The following CSMD3 variants were observed in gnomAD, a reference collection of about 807,000 sequenced individuals.
CSMD3 encodes CUB and sushi domain-containing protein 3.
In CSMD3, 177 loss-of-function variants were observed where a neutral mutation model predicts 435.2. That is an observed-to-expected ratio of 0.41 (90% CI 0.36 to 0.46). CSMD3 has a LOEUF of 0.46. Among genes scored for constraint, CSMD3 ranks in the 20% least tolerant of loss-of-function variants. The pLI, the probability that CSMD3 is intolerant of heterozygous loss-of-function variation, is 0.34. For synonymous variants in CSMD3, 1,656 were observed against 1,520.5 expected (o/e 1.09, Z -2.07); for missense variants, 4,265 against 4,504.6 (o/e 0.95, Z 1.52).
chr8:113,375,369 A>G (rs1251673326), intron 1 of CSMD3, among the ~76,000 whole-genome samples: 1 of 152,214 alleles, frequency 6.6e-6, no homozygotes, highest in Admixed American at 6.5e-5. Context: ...TGCCAAGAGC[A>G]TATGTCTAAT....
chr8:113,020,838 T>C (rs527304427), intron 5 of CSMD3, among the ~76,000 whole-genome samples: 1 of 152,276 alleles, frequency 6.6e-6, no homozygotes, highest in African/African-American at 2.4e-5. Flanking sequence ...ATGGAAAATC[T>C]GTCATTGTAT....
chr8:112,800,035 G>A, intron 13 of CSMD3, 127 bp downstream of exon 13: 1 of 685,642 alleles, frequency 1.5e-6, no homozygotes. Flanking sequence ...AGGAGGAAAT[G>A]ATCTTTGTTG....
At chr8:112,566,329 C>T (rs1261752065) in intron 24 of CSMD3, among the ~76,000 whole-genome samples, 2 of 151,952 alleles carry the variant, frequency 1.3e-5, no homozygotes, top group Non-Finnish European at 2.9e-5. Context: ...AATATTATCT[C>T]CCTCTTTGGG....
At chr8:113,213,744 T>C (rs775899010) in intron 3 of CSMD3, among the ~76,000 whole-genome samples, 1 of 152,118 alleles carries the variant, frequency 6.6e-6, no homozygotes, top group Non-Finnish European at 1.5e-5. Flanking sequence ...AAAGGAAAAC[T>C]TGATTTGCTT....
chr8:112,385,511 G>A (rs149519780), intron 36 of CSMD3, among the ~76,000 whole-genome samples: 13 of 151,920 alleles, frequency 8.6e-5, no homozygotes, highest in African/African-American at 2.2e-4. Flanking sequence ...GATTAAGACA[G>A]TGCTCTAAGT....
At chr8:113,239,503 T>TATCC (rs371752641) in intron 3 of CSMD3, among the ~76,000 whole-genome samples, 1 of 140,076 alleles carries the variant, frequency 7.1e-6, no homozygotes, top group East Asian at 2.0e-4. Context: ...TAGTTTTATC[T>TATCC]ATCTATCTAT....
intron 13 of CSMD3, among the ~76,000 whole-genome samples, chr8:112,708,721 G>A (rs1587031249): frequency 1.4e-5 from 1 of 72,586 alleles, no homozygotes; most frequent in Non-Finnish European, 3.1e-5. Context: ...GGACGATAGA[G>A]CAAAAAAAAC....
At chr8:113,139,088 A>G (rs2131721516) in intron 4 of CSMD3, among the ~76,000 whole-genome samples, 1 of 151,064 alleles carries the variant, frequency 6.6e-6, no homozygotes, top group East Asian at 1.9e-4. Context: ...GAGTTGGAAA[A>G]CAAACAAAAA....
Position 112,408,167 on chromosome 8 carries a change from G to T in CSMD3, c.5605+151C>A, listed in dbSNP as rs1036484155. The T allele has an allele frequency of 1.2e-4, 77 of 660,216 alleles. 2 individuals carry two copies. The South Asian group carries it at 1.3e-3, about 11-fold the overall frequency. The allele number at this position is 660,216 out of a possible 1,614,324, so 40.9% of individuals were successfully genotyped here. On this transcript the variant is annotated intron_variant, in intron 34 of 70. Coordinates refer to ENST00000297405, the MANE Select transcript of CSMD3 (RefSeq NM_198123.2). ...AATAGATTTTGTTTACTTTGGTCAA[G>T]GTGACAGTGATCTAGTGATGGTGGA... is the stretch of plus-strand genomic sequence containing the variant.
At chr8:112,354,397 A>G (rs147666464) in intron 38 of CSMD3, among the ~76,000 whole-genome samples, 103 of 152,334 alleles carry the variant, frequency 6.8e-4, no homozygotes, top group African/African-American at 2.4e-3. Flanking sequence ...GGAAAAAACA[A>G]TAAGTCAAAT....
rs2084840150 is a variant in CSMD3 at position 112,976,159 on chromosome 8, C to G, written c.1031-11G>C. 2.5e-6 allele frequency: 4 copies of G among 1,613,522 alleles called. No homozygotes were observed. The highest frequency in any genetic ancestry group is 4.5e-5 in the East Asian group (2 of 44,886). ...TCAATGTAGAAGAACCTGTGGGACA[C>G]AGTAGCACTAGATGCTAACTTTTTC... On this transcript the variant is annotated splice_polypyrimidine_tract_variant and intron_variant, in intron 6 of 70. Coordinates refer to ENST00000297405, the MANE Select transcript of CSMD3 (RefSeq NM_198123.2).
At chr8:112,561,284 C>T (rs1280557453) in intron 24 of CSMD3, among the ~76,000 whole-genome samples, 1 of 151,602 alleles carries the variant, frequency 6.6e-6, no homozygotes, top group Non-Finnish European at 1.5e-5. Context: ...ATATTCAACA[C>T]TGCTTGTGAA....
intron 1 of CSMD3, among the ~76,000 whole-genome samples, chr8:113,392,037 T>A (rs553675819): frequency 6.6e-6 from 1 of 152,080 alleles, no homozygotes; most frequent in East Asian, 1.9e-4. Flanking sequence ...GAAAATAGAC[T>A]CAGAGGAATC....
At chr8:113,187,775 C>A (rs1172668150) in intron 3 of CSMD3, among the ~76,000 whole-genome samples, 1 of 151,900 alleles carries the variant, frequency 6.6e-6, no homozygotes, top group Non-Finnish European at 1.5e-5. Flanking sequence ...AGGTTAACTA[C>A]CCTTTAAACT....
chr8:113,399,937 C>T (rs2094502317), intron 1 of CSMD3, among the ~76,000 whole-genome samples: 1 of 135,634 alleles, frequency 7.4e-6, no homozygotes, highest in Non-Finnish European at 1.6e-5. Context: ...TTATATTTAC[C>T]TCTATTCTGT....
intron 31 of CSMD3, among the ~76,000 whole-genome samples, chr8:112,482,923 T>C (rs529209871): frequency 5.3e-5 from 8 of 152,310 alleles, no homozygotes; most frequent in African/African-American, 1.7e-4. Context: ...ATTTGATTAA[T>C]GTCCATATCT....
chr8:113,309,931 AC>A (rs2093854469), intron 2 of CSMD3: 1 of 152,190 alleles, frequency 6.6e-6, no homozygotes, highest in Non-Finnish European at 1.5e-5. Flanking sequence ...CCTTCTAAGG[AC>A]TTTTGGGAAA....
At chr8:112,974,293 A>G (rs2084767222) in intron 7 of CSMD3, among the ~76,000 whole-genome samples, 1 of 152,070 alleles carries the variant, frequency 6.6e-6, no homozygotes, top group African/African-American at 2.4e-5. Flanking sequence ...TTTAATTTAT[A>G]ACCACAAAGT....
chr8:112,831,954 G>T (rs1307205631), intron 11 of CSMD3, among the ~76,000 whole-genome samples: 1 of 152,050 alleles, frequency 6.6e-6, no homozygotes, highest in Non-Finnish European at 1.5e-5. Flanking sequence ...TATATATTAT[G>T]GATACTAATC....
Sources: allele counts gnomAD v4.1 joint callset (sites outside exome capture counted in the v4.1 genomes callset), GRCh38; gene constraint gnomAD v4.1.1; transcripts MANE v1.5; gene names NCBI Gene and HGNC (gene_info 2026-07-23, HGNC 2026-07-21).